Variants in UBASH3A observed in about 807,000 individuals in gnomAD.
UBASH3A encodes the protein ubiquitin associated and SH3 domain containing A.
UBASH3A carries 63 observed loss-of-function variants against 73.5 expected under a neutral mutation model. The observed-to-expected ratio is 0.86, with a 90% CI of 0.70 to 1.06. The LOEUF (loss-of-function observed/expected upper bound fraction) is 1.06. Ranked by LOEUF, UBASH3A falls within the 50% of genes least tolerant of loss-of-function variation. The pLI, the probability that UBASH3A is intolerant of heterozygous loss-of-function variation, is 0.00. For synonymous variants in UBASH3A, 363 were observed against 351.1 expected (o/e 1.03, Z -0.38); for missense variants, 860 against 859.0 (o/e 1.00, Z -0.02).
At position 42,413,685 on chromosome 21, in the gene UBASH3A, G is replaced by A. The variant is rs554309688; in HGVS notation, c.667+162G>A. Among the ~76,000 whole-genome samples, 94 of 152,326 alleles carry A rather than the reference G, an allele frequency of 6.2e-4. No homozygotes were observed. The highest frequency in any genetic ancestry group is 1.9e-3 in the African/African-American group (79 of 41,568). Reference sequence around the variant, plus strand: ...GCATCAAGCCTGAGTGGGTGACTGTGACGGGGTTGGAGGCTGGTGCACACA... The same window carrying A: ...GCATCAAGCCTGAGTGGGTGACTGTAACGGGGTTGGAGGCTGGTGCACACA... On this transcript the variant is annotated intron_variant, in intron 5 of 14. Transcript: ENST00000319294. This position sits in a 1 kb window ranked among gnomAD's most constrained non-coding sequence, Gnocchi z 4.5.
chr21:42,412,429 A>G (rs2053118835), intron 3 of UBASH3A, among the ~76,000 whole-genome samples: 1 of 152,190 alleles, frequency 6.6e-6, no homozygotes, highest in Admixed American at 6.5e-5. Context: ...CCAAGGCAGA[A>G]TTCCCAGTGC....
At chr21:42,405,573 C>T (rs1274648273) in intron 1 of UBASH3A, among the ~76,000 whole-genome samples, 4 of 152,224 alleles carry the variant, frequency 2.6e-5, no homozygotes, top group African/African-American at 7.2e-5. Flanking sequence ...ACAGCCCCAT[C>T]GGTGCCCACC....
chr21:42,434,328 G>A (rs1568933147), intron 9 of UBASH3A, among the ~76,000 whole-genome samples: 1 of 138,496 alleles, frequency 7.2e-6, no homozygotes, highest in Non-Finnish European at 1.6e-5. Context: ...AGCCTCTGGT[G>A]GGAGACAGTC....
chr21:42,406,209 C>T (rs1337906514), intron 1 of UBASH3A, 99 bp from the exon 2 acceptor site: 2 of 963,948 alleles, frequency 2.1e-6, no homozygotes, highest in Non-Finnish European at 3.4e-6. Context: ...TCAGAGCACC[C>T]CCCAAAGATC....
At chr21:42,444,235 C>T (rs530343745) in intron 13 of UBASH3A, among the ~76,000 whole-genome samples, 1 of 152,344 alleles carries the variant, frequency 6.6e-6, no homozygotes, top group South Asian at 2.1e-4. Context: ...GCCACCGCTA[C>T]ATCCCAGTCT....
At position 42,418,597 on chromosome 21, in the gene UBASH3A, G is replaced by C; in HGVS notation, c.1034G>C (p.Trp345Ser). The part of the protein sequence containing the change: ...YTDRASESDT[W>S]VKHRMYTFSL... ...GATCGAGCCAGTGAGTCTGACACGT[G>C]GGTGAAGCACAGGTGAGTGCTGCCT... The change falls in exon 7 of 15, where the codon TGG (tryptophan) becomes TCG (serine). Residue 345 changes from tryptophan (W) to serine (S), a missense_variant. Transcript: ENST00000319294. 6.2e-7 allele frequency: 1 copy of C among 1,613,982 alleles called. No homozygotes were observed.
At position 42,434,683 on chromosome 21, in the gene UBASH3A, C is replaced by T. The variant is rs542482334; in HGVS notation, c.1271-149C>T. On this transcript the variant is annotated intron_variant, in intron 9 of 14. Coordinates refer to ENST00000319294, the MANE Select transcript of UBASH3A (RefSeq NM_018961.4). ...GCACTTTCTTCTCAAATTGAAGCCACGTTGCAGAGAATGTTCAGAAACAAC... is the reference window on the plus strand; with the variant it reads ...GCACTTTCTTCTCAAATTGAAGCCATGTTGCAGAGAATGTTCAGAAACAAC... 25 of 866,364 alleles carry T rather than the reference C, an allele frequency of 2.9e-5. 1 individual carries two copies. The highest frequency in any genetic ancestry group is 2.1e-4 in the African/African-American group (12 of 57,870). The allele number at this position is 866,364 out of a possible 1,614,324, so 53.7% of individuals were successfully genotyped here. A position where few individuals can be genotyped will look rare whatever the true frequency, so the allele number is the denominator to read the frequency against.
rs770590448 is a variant in UBASH3A at position 42,416,422 on chromosome 21, G to T, written c.668-20G>T. The T allele has an allele frequency of 6.5e-7, 1 of 1,545,526 alleles. No homozygotes were observed. Among genetic ancestry groups the T allele is most frequent in the African/African-American group, 1.4e-5 (1 of 71,660 alleles). ...AGGTAACGGTGTCCTGGCACCCTCT[G>T]TGTTTCCCTGATTTCACAGACTGCT... On this transcript the variant is annotated intron_variant, in intron 5 of 14. Coordinates refer to ENST00000319294, the MANE Select transcript of UBASH3A (RefSeq NM_018961.4).
intron 10 of UBASH3A, 82 bp from the exon 11 acceptor site, chr21:42,437,406 A>T: frequency 7.6e-7 from 1 of 1,320,068 alleles, no homozygotes; most frequent in Non-Finnish European, 1.1e-6. Flanking sequence ...GACCCTGCCT[A>T]CCACAGGGAG....
Position 42,443,317 on chromosome 21 carries a change from C to A in UBASH3A, c.1637C>A (p.Ala546Glu), listed in dbSNP as rs143166994. The A allele has an allele frequency of 1.9e-6, 3 of 1,612,678 alleles. No homozygotes were observed. The highest frequency in any genetic ancestry group is 2.5e-6 in the Non-Finnish European group (3 of 1,179,246). The change falls in exon 13 of 15, where the codon GCG (alanine) becomes GAG (glutamate). Residue 546 changes from alanine to glutamate, a missense_variant. By Grantham distance (107) the Ala-to-Glu change is moderately radical. Transcript: ENST00000319294. Reference sequence around the variant, plus strand: ...TCTCCTTCTCATCCTTCCAGGCCCGCGTTTCCCCTGTCCGCCCTCATGCCG... The same window carrying A: ...TCTCCTTCTCATCCTTCCAGGCCCGAGTTTCCCCTGTCCGCCCTCATGCCG... ...NFNIDTDYRP[A>E]FPLSALMPAE...
intron 8 of UBASH3A, 68 bp from the exon 9 acceptor site, chr21:42,432,035 C>A (rs2053540554): frequency 1.1e-6 from 1 of 907,880 alleles, no homozygotes; most frequent in Non-Finnish European, 1.8e-6. Context: ...GGGAGAGCTG[C>A]CATTGGTGCA....
chr21:42,444,567 C>G lies in UBASH3A; in HGVS notation c.1772C>G (p.Thr591Ser). ...ATCCTAATTGTGAGTCACGGCTCCA[C>G]TCTGGACTCCTGCACGCGGCCACTG... ...GVILIVSHGS[T>S]LDSCTRPLLG... The change falls in exon 14 of 15, where the codon ACT (threonine) becomes AGT (serine). Residue 591 changes from threonine (T) to serine (S), a missense_variant. Thr to Ser is a moderately conservative substitution (Grantham distance 58, BLOSUM62 1). Coordinates refer to ENST00000319294, the MANE Select transcript of UBASH3A (RefSeq NM_018961.4). 6.2e-7 allele frequency: 1 copy of G among 1,614,024 alleles called. No individual in the cohort carries two copies. Among genetic ancestry groups the G allele is most frequent in the Non-Finnish European group, 8.5e-7 (1 of 1,180,042 alleles).
At chr21:42,419,979 A>G (rs541338875) in intron 7 of UBASH3A, among the ~76,000 whole-genome samples, 2 of 152,278 alleles carry the variant, frequency 1.3e-5, no homozygotes, top group South Asian at 4.1e-4. Context: ...TGCATTTTCA[A>G]TTTATGATGG....
chr21:42,417,705 G>A (rs895439467), intron 6 of UBASH3A: 1 of 151,948 alleles, frequency 6.6e-6, no homozygotes, highest in Non-Finnish European at 1.5e-5. Flanking sequence ...CAGAGAGCAC[G>A]TGTGAATGAA....
chr21:42,435,718 GAGTT>G (rs1285693805), intron 10 of UBASH3A, among the ~76,000 whole-genome samples: 2 of 151,930 alleles, frequency 1.3e-5, no homozygotes, highest in Admixed American at 1.3e-4. Flanking sequence ...TAGAATTATA[GAGTT>G]AGTTATAGAG....
chr21:42,420,224 T>G (rs117346108), intron 7 of UBASH3A, among the ~76,000 whole-genome samples: 8,651 of 152,290 alleles, frequency 0.057, 369 homozygotes, highest in Middle Eastern at 0.13. Context: ...GTCCCCGATA[T>G]AAAATGCTGT....
intron 7 of UBASH3A, 119 bp downstream of exon 7, chr21:42,418,728 T>C (rs1221810968): frequency 2.1e-6 from 2 of 932,370 alleles, no homozygotes; most frequent in Non-Finnish European, 3.2e-6. Flanking sequence ...GCATTCTGTA[T>C]GCTGACAAAA....
intron 6 of UBASH3A, among the ~76,000 whole-genome samples, chr21:42,417,923 C>T (rs2053253577): frequency 7.4e-6 from 1 of 135,710 alleles, no homozygotes; most frequent in Admixed American, 7.7e-5. Context: ...CACCCTGTCA[C>T]CCAGGGTAGA....
At chr21:42,411,630 G>A (rs921221928) in intron 3 of UBASH3A, among the ~76,000 whole-genome samples, 4 of 152,036 alleles carry the variant, frequency 2.6e-5, no homozygotes, top group Non-Finnish European at 4.4e-5. Flanking sequence ...TCCCTCTGTC[G>A]TTAGCTCCTC....
Sources: allele counts gnomAD v4.1 joint callset (sites outside exome capture counted in the v4.1 genomes callset), GRCh38; gene constraint gnomAD v4.1.1; non-coding constraint Gnocchi (gnomAD v3.1); transcripts MANE v1.5; gene names NCBI Gene and HGNC (gene_info 2026-07-23, HGNC 2026-07-21).